DENND2B: variants seen among roughly 807,000 people sequenced by gnomAD.
The protein encoded by DENND2B is DENN domain-containing protein 2B.
A neutral mutation model predicts 116.0 loss-of-function variants in DENND2B; 32 were observed. The observed-to-expected ratio is 0.28, with a 90% CI of 0.21 to 0.37. The LOEUF (loss-of-function observed/expected upper bound fraction) is 0.37, where lower values mean the gene tolerates loss of function less well. Among genes scored for constraint, DENND2B ranks in the 10% least tolerant of loss-of-function variants. The pLI is 1.00. For missense variants in DENND2B, 1,276 were observed against 1,477.7 expected, an observed-to-expected ratio of 0.86 and a Z score of 2.24; for synonymous variants, 588 against 583.9, an observed-to-expected ratio of 1.01 and a Z score of -0.10.
chr11:8,882,985 CTCAA>C (rs1452315792), intron 1 of DENND2B, among the ~76,000 whole-genome samples: 3 of 152,186 alleles, frequency 2.0e-5, no homozygotes, highest in Non-Finnish European at 4.4e-5. Context: ...GAGAGTCTGT[CTCAA>C]TCAATCAAAT....
At chr11:8,718,088 G>C in intron 4 of DENND2B, 196 bp from the exon 5 acceptor site, 1 of 242,498 alleles carries the variant, frequency 4.1e-6, no homozygotes, top group South Asian at 2.9e-5. Context: ...AAGTCCAGAA[G>C]CAGACCCACC....
At chr11:8,836,247 A>G in intron 4 of DENND2B, among the ~76,000 whole-genome samples, 1 of 151,608 alleles carries the variant, frequency 6.6e-6, no homozygotes, top group East Asian at 1.9e-4. Context: ...AAGTATACAG[A>G]ATCAATTATG....
chr11:8,865,600 C>A (rs1044742320), intron 2 of DENND2B, among the ~76,000 whole-genome samples: 7 of 151,748 alleles, frequency 4.6e-5, no homozygotes, highest in African/African-American at 9.7e-5. Flanking sequence ...ACAATTTGTT[C>A]ACTCTGTGAA....
chr11:8,718,981 T>G, intron 4 of DENND2B: 1 of 987,080 alleles, frequency 1.0e-6, no homozygotes, highest in Non-Finnish European at 1.2e-6. Flanking sequence ...TCTGCACCCC[T>G]TTCCCTATTT....
At chr11:8,796,805 G>A (rs1435904723) in intron 1 of DENND2B, among the ~76,000 whole-genome samples, 1 of 152,184 alleles carries the variant, frequency 6.6e-6, no homozygotes, top group Non-Finnish European at 1.5e-5. Context: ...GCGTTAAGGA[G>A]AAAGGCCATT....
At chr11:8,709,009 G>C (rs773514096) in intron 11 of DENND2B, among the ~76,000 whole-genome samples, 25 of 151,996 alleles carry the variant, frequency 1.6e-4, no homozygotes, top group Non-Finnish European at 3.4e-4. Context: ...AGAGCTCCCA[G>C]GCCCGGAGCC....
At chr11:8,886,700 C>T (rs1483685723) in intron 1 of DENND2B, among the ~76,000 whole-genome samples, 1 of 151,762 alleles carries the variant, frequency 6.6e-6, no homozygotes, top group East Asian at 1.9e-4. Flanking sequence ...GTCTGTCCGT[C>T]ACTTTTAACA....
In DENND2B at chr11:8,698,166, A is replaced by AAAAAAAAAAG. The variant is rs1555092981; in HGVS notation, c.2941-531_2941-530insCTTTTTTTTT. ...AAAAAAAAAAAAAAAAAAAAAAAAA[A>AAAAAAAAAAG]GGGGGTAGAGCCAGTGTGGCATTCA... On this transcript the variant is annotated intron_variant, in intron 16 of 19. Coordinates refer to ENST00000313726, the MANE Select transcript of DENND2B (RefSeq NM_213618.2). Among the ~76,000 whole-genome samples, 74 of 129,448 alleles carry AAAAAAAAAAG rather than the reference A, an allele frequency of 5.7e-4. 4 individuals are homozygous for AAAAAAAAAAG. Among genetic ancestry groups the AAAAAAAAAAG allele is most frequent in the African/African-American group, 7.8e-4 (26 of 33,190 alleles). 84.9% of individuals were successfully genotyped at this position (129,448 alleles called of 152,430 possible). A position where few individuals can be genotyped will look rare whatever the true frequency, so the allele number is the denominator to read the frequency against.
At chr11:8,822,058 A>T (rs972241721) in intron 4 of DENND2B, among the ~76,000 whole-genome samples, 1 of 152,188 alleles carries the variant, frequency 6.6e-6, no homozygotes, top group East Asian at 1.9e-4. Context: ...TTATTTTCTT[A>T]AATTAAATCA....
intron 1 of DENND2B, among the ~76,000 whole-genome samples, chr11:8,802,769 C>T (rs549699445): frequency 2.0e-5 from 3 of 152,242 alleles, no homozygotes; most frequent in Non-Finnish European, 2.9e-5. Flanking sequence ...CAGAGCCAAA[C>T]AAATAAGTAC....
intron 1 of DENND2B, among the ~76,000 whole-genome samples, chr11:8,773,339 C>T (rs1488290477): frequency 5.9e-5 from 9 of 152,144 alleles, no homozygotes; most frequent in Non-Finnish European, 1.0e-4. Flanking sequence ...AGGACAGACT[C>T]GAGGGCATCC....
At chr11:8,719,407 G>T (rs541570593) in intron 4 of DENND2B, among the ~76,000 whole-genome samples, 1 of 152,324 alleles carries the variant, frequency 6.6e-6, no homozygotes, top group East Asian at 1.9e-4. Context: ...GTAAACTTAT[G>T]AGTCAAAGAT....
intron 3 of DENND2B, among the ~76,000 whole-genome samples, chr11:8,855,225 AAAG>A (rs1261400395): frequency 1.3e-5 from 2 of 151,884 alleles, no homozygotes; most frequent in African/African-American, 2.4e-5. Flanking sequence ...AGAGAAAAGA[AAAG>A]AAGAGAACAG....
chr11:8,735,460 A>C (rs1367069843), intron 2 of DENND2B, among the ~76,000 whole-genome samples: 1 of 152,228 alleles, frequency 6.6e-6, no homozygotes, highest in Non-Finnish European at 1.5e-5. Flanking sequence ...AACTGTGTTA[A>C]GCCACTAAGT....
chr11:8,858,491 T>C (rs2063274583), intron 2 of DENND2B, among the ~76,000 whole-genome samples: 1 of 151,798 alleles, frequency 6.6e-6, no homozygotes, highest in African/African-American at 2.4e-5. Flanking sequence ...AAACCAGCAA[T>C]ATTCAAGGAG....
chr11:8,812,980 T>A (rs1490708892), upstream of DENND2B, among the ~76,000 whole-genome samples: 1 of 152,092 alleles, frequency 6.6e-6, no homozygotes, highest in African/African-American at 2.4e-5. Flanking sequence ...CACGAGGTCT[T>A]ATTATGTTGC....
chr11:8,878,518 T>C (rs2063869161), intron 2 of DENND2B, among the ~76,000 whole-genome samples: 1 of 151,784 alleles, frequency 6.6e-6, no homozygotes, highest in Non-Finnish European at 1.5e-5. Context: ...GCCTCCCAAA[T>C]AGCTGGGATT....
chr11:8,802,674 T>C (rs1438944199), intron 1 of DENND2B, among the ~76,000 whole-genome samples: 5 of 152,166 alleles, frequency 3.3e-5, no homozygotes, highest in African/African-American at 9.7e-5. Flanking sequence ...GGAGAGGGGA[T>C]TGCTCAGAAA....
chr11:8,768,327 C>T (rs555361260), intron 1 of DENND2B, among the ~76,000 whole-genome samples: 96 of 152,272 alleles, frequency 6.3e-4, no homozygotes, highest in African/African-American at 2.2e-3. Context: ...TAGCTCACTG[C>T]AGCCTAAAAC....
Sources: allele counts gnomAD v4.1 joint callset (sites outside exome capture counted in the v4.1 genomes callset), GRCh38; gene constraint gnomAD v4.1.1; transcripts MANE v1.5; gene names NCBI Gene and HGNC (gene_info 2026-07-23, HGNC 2026-07-21).